Variants in ROBO2 observed in about 807,000 individuals in gnomAD.
ROBO2 encodes the protein roundabout guidance receptor 2.
ROBO2 carries 53 observed loss-of-function variants against 160.8 expected under a neutral mutation model. That is an observed-to-expected ratio of 0.33 (90% CI 0.26 to 0.41). The LOEUF is 0.41. ROBO2 is among the 10% of genes least tolerant of loss of function. The pLI is 1.00. For synonymous variants in ROBO2, 664 were observed against 611.7 expected (o/e 1.09, Z -1.26); for missense variants, 1,577 against 1,722.4 (o/e 0.92, Z 1.49).
chr3:77,428,339 ATTTTTTTTTTTT>A (rs59725522), intron 2 of ROBO2, among the ~76,000 whole-genome samples: 9 of 105,570 alleles, frequency 8.5e-5, no homozygotes, highest in Admixed American at 1.1e-4. Flanking sequence ...CTTAGGTAAT[ATTTTTTTTTTTT>A]TTTTTTTTTT....
chr3:77,365,327 G>A lies in ROBO2; in HGVS notation c.389-112087G>A, dbSNP rs138726920. Among the ~76,000 whole-genome samples, 644 of 152,212 alleles carry A rather than the reference G, an allele frequency of 4.2e-3. 1 individual carries two copies. Among genetic ancestry groups the A allele is most frequent in the Admixed American group, 8.8e-3 (135 of 15,288 alleles). On this transcript the variant is annotated intron_variant, in intron 2 of 25. Coordinates refer to ENST00000461745, the Ensembl canonical transcript of ROBO2. ...GGCAGCTGAATTTGTACATCCTTGT[G>A]TTAAGGATCTGTCTTCTCTCAAGCA...
Position 77,030,187 on chromosome 3 carries a change from G to A in ROBO2, c.110-67827G>A, listed in dbSNP as rs944066731. Among the ~76,000 whole-genome samples, 78 of 96,192 alleles carry A rather than the reference G, an allele frequency of 8.1e-4. 1 individual carries two copies. The highest frequency in any genetic ancestry group is 6.2e-3 in the African/African-American group (71 of 11,466). The allele number at this position is 96,192 out of a possible 152,430, so 63.1% of individuals were successfully genotyped here. A position where few individuals can be genotyped will look rare whatever the true frequency, so the allele number is the denominator to read the frequency against. On this transcript the variant is annotated intron_variant, in intron 2 of 26. Coordinates refer to the ROBO2 transcript ENST00000487694. ...TCTCGATCTCCTGACCTCGTGATCC[G>A]CCTGCCTCGGCCTCCCAGAGTGCTG...
At position 77,336,175 on chromosome 3, in the gene ROBO2, GT is replaced by G. The variant is rs1358611570; in HGVS notation, c.389-141234del. On this transcript the variant is annotated intron_variant, in intron 2 of 25. Transcript: ENST00000461745. ...CAAGGGTTCTACTTGCACAAATGCA[GT>G]TTTTGGAGGGCCCCTTTGGACTTTG... Among the ~76,000 whole-genome samples the G allele has an allele frequency of 2.0e-5, 3 of 152,274 alleles. No individual in the cohort carries two copies. The South Asian group carries it at 6.2e-4, about 32-fold the overall frequency.
chr3:77,257,255 G>A (rs114560784), intron 2 of ROBO2, among the ~76,000 whole-genome samples: 1,991 of 152,272 alleles, frequency 0.013, 50 homozygotes, highest in African/African-American at 0.045. Flanking sequence ...GAAAAGACCG[G>A]CTTTCCAGCA....
intron 2 of ROBO2, among the ~76,000 whole-genome samples, chr3:77,018,522 A>T (rs2062426568): frequency 6.6e-6 from 1 of 152,216 alleles, no homozygotes; most frequent in Non-Finnish European, 1.5e-5. Flanking sequence ...ATATCCTCTT[A>T]ACACAGTATT....
chr3:76,864,802 T>A (rs2071186004), intron 2 of ROBO2, among the ~76,000 whole-genome samples: 1 of 152,068 alleles, frequency 6.6e-6, no homozygotes, highest in African/African-American at 2.4e-5. Flanking sequence ...TCAATAATGA[T>A]CTAAACTTCA....
chr3:76,793,456 T>C (rs939423860), intron 2 of ROBO2, among the ~76,000 whole-genome samples: 7 of 151,892 alleles, frequency 4.6e-5, no homozygotes, highest in African/African-American at 1.4e-4. Context: ...GAGAACTTCC[T>C]GATAAAATTC....
chr3:75,950,090 A>G (rs1482366654), intron 2 of ROBO2, among the ~76,000 whole-genome samples: 1 of 151,978 alleles, frequency 6.6e-6, no homozygotes, highest in African/African-American at 2.4e-5. Context: ...TTCATATGCA[A>G]TCTCTAAATC....
At chr3:76,545,555 T>A (rs1055590204) in intron 2 of ROBO2, among the ~76,000 whole-genome samples, 1 of 151,988 alleles carries the variant, frequency 6.6e-6, no homozygotes, top group Non-Finnish European at 1.5e-5. Context: ...CTGTTAATGA[T>A]TCTAACATTG....
At chr3:76,447,898 G>C (rs1473361090) in intron 2 of ROBO2, among the ~76,000 whole-genome samples, 1 of 122,064 alleles carries the variant, frequency 8.2e-6, no homozygotes, top group South Asian at 3.4e-4. Flanking sequence ...GTTGTGGGGT[G>C]GGGGGAGGGG....
chr3:76,866,397 A>G (rs1251722784), intron 2 of ROBO2, among the ~76,000 whole-genome samples: 2 of 152,146 alleles, frequency 1.3e-5, no homozygotes, highest in African/African-American at 4.8e-5. Flanking sequence ...TCTATTTGTT[A>G]AAATGTTATT....
intron 2 of ROBO2, among the ~76,000 whole-genome samples, chr3:76,070,028 G>T (rs2068393853): frequency 6.6e-6 from 1 of 151,996 alleles, no homozygotes; most frequent in East Asian, 1.9e-4. Context: ...TCTTAATCCT[G>T]TCAGATGAGG....
chr3:77,149,609 A>G (rs775176004), intron 2 of ROBO2, among the ~76,000 whole-genome samples: 7 of 152,160 alleles, frequency 4.6e-5, no homozygotes, highest in Non-Finnish European at 8.8e-5. Context: ...TTAATCAGCT[A>G]CACACATCAC....
At position 76,015,648 on chromosome 3, in the gene ROBO2, A is replaced by G. The variant is rs375269795; in HGVS notation, c.109+78046A>G. Among the ~76,000 whole-genome samples the G allele has an allele frequency of 1.2e-4, 19 of 152,364 alleles. No individual in the cohort carries two copies. The East Asian group carries it at 1.3e-3, about 11-fold the overall frequency. ...TTTAGTTTAAAATTTAGTATGCGACACAAAATGGCCAGATGGCGCACACAA... is the reference window on the plus strand; with the variant it reads ...TTTAGTTTAAAATTTAGTATGCGACGCAAAATGGCCAGATGGCGCACACAA... On this transcript the variant is annotated intron_variant, in intron 2 of 26. Coordinates refer to the ROBO2 transcript ENST00000487694.
chr3:77,482,907 G>A (rs1277316574), intron 4 of ROBO2, among the ~76,000 whole-genome samples: 1 of 151,856 alleles, frequency 6.6e-6, no homozygotes, highest in African/African-American at 2.4e-5. Flanking sequence ...GCCTTCAGAA[G>A]GAAATTGAAA....
chr3:76,511,442 C>T (rs776944689), intron 2 of ROBO2, among the ~76,000 whole-genome samples: 1 of 152,178 alleles, frequency 6.6e-6, no homozygotes, highest in Non-Finnish European at 1.5e-5. Context: ...TCTGCTCATC[C>T]TTCAGCTGAA....
At chr3:77,482,753 T>C (rs1300248036) in intron 4 of ROBO2, among the ~76,000 whole-genome samples, 2 of 152,152 alleles carry the variant, frequency 1.3e-5, no homozygotes, top group Non-Finnish European at 2.9e-5. Flanking sequence ...TAAGAAATGA[T>C]ATTAGTGGTC....
chr3:75,980,048 T>C (rs1426170427), intron 2 of ROBO2, among the ~76,000 whole-genome samples: 1 of 151,634 alleles, frequency 6.6e-6, no homozygotes, highest in African/African-American at 2.4e-5. Flanking sequence ...GTCTCACATT[T>C]GTAGTAGGTG....
At chr3:77,048,071 A>G (rs1031819164) in intron 1 of ROBO2, among the ~76,000 whole-genome samples, 4 of 152,212 alleles carry the variant, frequency 2.6e-5, no homozygotes, top group Non-Finnish European at 4.4e-5. Flanking sequence ...ATATGATGCC[A>G]TGAACAGTGT....
Sources: allele counts gnomAD v4.1 joint callset (sites outside exome capture counted in the v4.1 genomes callset), GRCh38; gene constraint gnomAD v4.1.1; transcripts MANE v1.5; gene names NCBI Gene and HGNC (gene_info 2026-07-23, HGNC 2026-07-21).